OTC: variants seen among roughly 807,000 people sequenced by gnomAD.
The protein encoded by OTC is ornithine transcarbamylase, mitochondrial.
Under a neutral mutation model 30.3 loss-of-function variants are expected in OTC, and 3 were observed. The observed-to-expected ratio is 0.10, with a 90% CI of 0.05 to 0.26. The LOEUF is 0.26. Among genes scored for constraint, OTC ranks in the 10% least tolerant of loss-of-function variants. The pLI is 1.00. For synonymous variants in OTC, 111 were observed against 99.7 expected, an observed-to-expected ratio of 1.11 and a Z score of -0.67; for missense variants, 194 against 260.3, an observed-to-expected ratio of 0.75 and a Z score of 1.75.
intron 3 of OTC, among the ~76,000 whole-genome samples, chrX:38,374,317 C>T (rs2068335707): frequency 9.1e-6 from 1 of 109,713 alleles, no homozygotes; most frequent in African/African-American, 3.3e-5. Flanking sequence ...TCTCTCTGTC[C>T]TCTTCTCCTT....
chrX:38,352,815 G>A lies in OTC; in HGVS notation c.77+42G>A, dbSNP rs1424625678. 3.1e-6 allele frequency: 3 copies of A among 954,926 alleles called. No individual in the cohort carries two copies. The South Asian group carries it at 5.8e-5, about 18-fold the overall frequency. 78.7% of individuals were successfully genotyped at this position (954,926 alleles called of 1,213,427 possible). A position where few individuals can be genotyped will look rare whatever the true frequency, so the allele number is the denominator to read the frequency against. ...GACTTGGGTTTGATTTAGGAATCAT[G>A]GTGATGCATAAAACTATATTCTGCA... On this transcript the variant is annotated intron_variant, in intron 1 of 9. Transcript: ENST00000039007.
chrX:38,379,964 A>G (rs2068367774), intron 3 of OTC, among the ~76,000 whole-genome samples: 1 of 112,119 alleles, frequency 8.9e-6, no homozygotes, highest in Admixed American at 9.5e-5. Context: ...TACCCTTTAC[A>G]TCAGTCTAAC....
At position 38,369,514 on chromosome X, in the gene OTC, A is replaced by AT. The variant is rs11313102; in HGVS notation, c.217-265dup. 8.9e-3 allele frequency among the ~76,000 whole-genome samples: 822 copies of AT among 92,206 alleles called. 3 individuals are homozygous for AT. The highest frequency in any genetic ancestry group is 0.015 in the African/African-American group (364 of 25,049). The allele number at this position is 92,206 out of a possible 115,157, so 80.1% of individuals were successfully genotyped here. On this transcript the variant is annotated intron_variant, in intron 2 of 9. Transcript: ENST00000039007. ...AGGCACCCACCACCACTCCAGGCTA[A>AT]TTTTTTTTTTTTTTTTTGGTATTTT... is the stretch of plus-strand genomic sequence containing the variant.
the OTC span, among the ~76,000 whole-genome samples, chrX:38,346,385 C>T: frequency 3.6e-5 from 4 of 112,057 alleles, no homozygotes; most frequent in East Asian, 8.4e-4. Context: ...TGCAAAACCG[C>T]GTGACAGTTT....
chrX:38,337,559 G>A, the OTC span, among the ~76,000 whole-genome samples: 27 of 111,730 alleles, frequency 2.4e-4, no homozygotes, highest in African/African-American at 8.5e-4. Context: ...CTCCCTCCAC[G>A]TAAAATGCAG....
intron 1 of OTC, among the ~76,000 whole-genome samples, chrX:38,358,749 G>A (rs909637523): frequency 9.3e-6 from 1 of 107,371 alleles, no homozygotes; most frequent in Non-Finnish European, 1.9e-5. Context: ...AGCCTCCCGA[G>A]TAGCTGGGAT....
the OTC span, among the ~76,000 whole-genome samples, chrX:38,329,567 C>G: frequency 2.7e-5 from 3 of 111,819 alleles, no homozygotes; most frequent in African/African-American, 9.8e-5. Flanking sequence ...AGGCTACTCC[C>G]TTTGCAACCC....
intron 8 of OTC, 103 bp downstream of exon 8, chrX:38,409,128 C>A: frequency 1.1e-6 from 1 of 874,235 alleles, no homozygotes; most frequent in Admixed American, 2.3e-5. Flanking sequence ...TCCTTTCATT[C>A]CCTATAAAAG....
the OTC span, among the ~76,000 whole-genome samples, chrX:38,327,829 A>G: frequency 1.8e-5 from 2 of 113,068 alleles, no homozygotes; most frequent in Non-Finnish European, 3.7e-5. Context: ...ATCGACACAC[A>G]ATTATGACAC....
chrX:38,379,206 T>G (rs1027469935), intron 3 of OTC, among the ~76,000 whole-genome samples: 9 of 111,909 alleles, frequency 8.0e-5, no homozygotes, highest in African/African-American at 2.9e-4. Flanking sequence ...GTCTTCTTTT[T>G]CAGATGAAGA....
the OTC span, among the ~76,000 whole-genome samples, chrX:38,346,026 G>A: frequency 5.4e-5 from 6 of 111,512 alleles, no homozygotes; most frequent in African/African-American, 2.0e-4. Context: ...AGATGGACTC[G>A]GTTAAGTTAG....
chrX:38,409,022 G>A lies in OTC; in HGVS notation c.864G>A (p.Met288Ile). Residue 288 changes from methionine to isoleucine, a missense_variant, in exon 8 of 10, where the codon ATG becomes ATA. By Grantham distance (10) the Met-to-Ile change is conservative. Transcript: ENST00000039007. The stretch of plus-strand genomic sequence containing the variant: ...CTTTCCAAGGTTACCAGGTTACAAT[G>A]AAGGTACAAATTGATGCCTCTCTGA... ...LQAFQGYQVTMKTAKVAASDW... is the reference protein window; with the variant it reads ...LQAFQGYQVTIKTAKVAASDW... The A allele has an allele frequency of 8.3e-7, 1 of 1,211,067 alleles. No homozygotes were observed. The highest frequency in any genetic ancestry group is 3.0e-5 in the East Asian group (1 of 33,816).
At chrX:38,371,064 C>G (rs1407123511) in intron 3 of OTC, among the ~76,000 whole-genome samples, 1 of 111,689 alleles carries the variant, frequency 9.0e-6, no homozygotes, top group Admixed American at 9.5e-5. Flanking sequence ...AGCATGCCCC[C>G]CCATCCTTCA....
At chrX:38,337,925 TA>T in the OTC span, among the ~76,000 whole-genome samples, 40 of 104,872 alleles carry the variant, frequency 3.8e-4, no homozygotes, top group South Asian at 0.012. Context: ...TCCCTCAGGT[TA>T]AAAAAAAAAG....
At chrX:38,418,923 G>C (rs1197990892) in intron 9 of OTC, among the ~76,000 whole-genome samples, 1 of 111,905 alleles carries the variant, frequency 8.9e-6, no homozygotes, top group Non-Finnish European at 1.9e-5. Context: ...AAAGGACTAA[G>C]ACAGAGCTTT....
At chrX:38,367,799 C>A (rs1199898775) in intron 2 of OTC, among the ~76,000 whole-genome samples, 2 of 110,342 alleles carry the variant, frequency 1.8e-5, no homozygotes, top group Non-Finnish European at 3.8e-5. Flanking sequence ...CTCACTGCAA[C>A]TTCTGCCTCC....
At chrX:38,361,540 G>A (rs2068271762) in intron 1 of OTC, among the ~76,000 whole-genome samples, 1 of 111,745 alleles carries the variant, frequency 8.9e-6, no homozygotes, top group Admixed American at 9.5e-5. Context: ...TCACATTAAA[G>A]GAACTCTCAC....
the OTC span, among the ~76,000 whole-genome samples, chrX:38,340,047 C>G: frequency 1.8e-5 from 2 of 112,251 alleles, no homozygotes; most frequent in Non-Finnish European, 3.8e-5. Flanking sequence ...GCCAACATCA[C>G]TTTGTCAAAT....
chrX:38,397,530 G>A (rs1302787907), intron 4 of OTC, among the ~76,000 whole-genome samples: 2 of 112,067 alleles, frequency 1.8e-5, no homozygotes, highest in Non-Finnish European at 1.9e-5. Flanking sequence ...TGTCAAGTGG[G>A]GAAAGACTAC....
Sources: gnomAD v4.1 joint callset for allele counts (sites outside exome capture counted in the v4.1 genomes callset) on GRCh38, gnomAD v4.1.1 for gene constraint, MANE v1.5 for transcripts, NCBI Gene and HGNC (gene_info 2026-07-23, HGNC 2026-07-21) for gene names.